Variants in C1QTNF9 observed in about 807,000 individuals in gnomAD.
C1QTNF9 encodes the protein complement C1q and tumor necrosis factor-related protein 9A.
In C1QTNF9, 6 loss-of-function variants were observed where a neutral mutation model predicts 10.1. The ratio of observed to expected loss-of-function variants is 0.59; its 90% CI spans 0.32 to 1.17. The LOEUF is 1.17. C1QTNF9 is among the 50% of genes most tolerant of loss of function. The pLI is 0.04. For synonymous variants in C1QTNF9, 98 were observed against 163.5 expected (o/e 0.60, Z 3.06); for missense variants, 201 against 418.8 (o/e 0.48, Z 4.54).
chr13:24,315,999 G>A, exon 2 of C1QTNF9: 2 of 1,613,762 alleles, frequency 1.2e-6, no homozygotes, highest in Non-Finnish European at 1.7e-6. Context: ...TCTGTCATCT[G>A]AACCATGAGG....
intron 3 of C1QTNF9, among the ~76,000 whole-genome samples, chr13:24,320,088 C>G (rs978495220): frequency 2.0e-5 from 3 of 151,990 alleles, no homozygotes; most frequent in Admixed American, 2.0e-4. Context: ...TGGGGTTGGG[C>G]AGGAGAGGGC....
At chr13:24,319,183 A>G (rs1234946278) in intron 3 of C1QTNF9, among the ~76,000 whole-genome samples, 1 of 152,194 alleles carries the variant, frequency 6.6e-6, no homozygotes, top group Non-Finnish European at 1.5e-5. Context: ...ATGTGTGAAG[A>G]CTGAAATGGG....
chr13:24,319,655 T>C (rs1593536491), intron 3 of C1QTNF9, among the ~76,000 whole-genome samples: 1 of 152,292 alleles, frequency 6.6e-6, no homozygotes, highest in East Asian at 1.9e-4. Context: ...CTGTAGTTTG[T>C]TGAACCTTGA....
intron 1 of C1QTNF9, among the ~76,000 whole-genome samples, chr13:24,314,702 G>T (rs1404505994): frequency 6.6e-6 from 1 of 151,826 alleles, no homozygotes; most frequent in Non-Finnish European, 1.5e-5. Flanking sequence ...ACCAAACCCA[G>T]GTGTGGTGGT....
chr13:24,307,788 T>A (rs565887073), upstream of C1QTNF9, among the ~76,000 whole-genome samples: 6 of 152,274 alleles, frequency 3.9e-5, no homozygotes, highest in East Asian at 1.2e-3. Context: ...AGATGACCGT[T>A]AGGTCATAAG....
chr13:24,310,817 C>T (rs1209129991), intron 1 of C1QTNF9, among the ~76,000 whole-genome samples: 2 of 147,342 alleles, frequency 1.4e-5, no homozygotes, highest in South Asian at 2.1e-4. Flanking sequence ...GAGGCTGAGG[C>T]AGGAGAATGG....
chr13:24,313,577 A>G (rs549504429), intron 1 of C1QTNF9, among the ~76,000 whole-genome samples: 5 of 152,338 alleles, frequency 3.3e-5, no homozygotes, highest in African/African-American at 1.2e-4. Flanking sequence ...AATGGAGCGA[A>G]TTTGTGACTT....
chr13:24,315,955 C>T lies in C1QTNF9; in HGVS notation c.-22-27C>T, dbSNP rs114916328. ...AGGGCCCCAGCAACAAAGATTTCTCCTTTGGGTTTCTGTTTCCCTCTTTCA... is the reference window on the plus strand; with the variant it reads ...AGGGCCCCAGCAACAAAGATTTCTCTTTTGGGTTTCTGTTTCCCTCTTTCA... On this transcript the variant is annotated intron_variant, in intron 1 of 3. Coordinates refer to ENST00000332018, the Ensembl canonical transcript of C1QTNF9. 1.7e-3 allele frequency: 2,674 copies of T among 1,611,580 alleles called. 43 individuals carry two copies. The African/African-American group carries it at 0.029, about 18-fold the overall frequency.
At chr13:24,314,720 T>C (rs978988628) in intron 1 of C1QTNF9, among the ~76,000 whole-genome samples, 1 of 152,084 alleles carries the variant, frequency 6.6e-6, no homozygotes, top group South Asian at 2.1e-4. Flanking sequence ...GGTGCATGCC[T>C]GTAGTCCCAG....
chr13:24,313,399 G>T (rs1416909396), intron 1 of C1QTNF9, among the ~76,000 whole-genome samples: 1 of 152,132 alleles, frequency 6.6e-6, no homozygotes, highest in Non-Finnish European at 1.5e-5. Context: ...TGGAATAGTT[G>T]TACTCCACAT....
exon 2 of C1QTNF9, chr13:24,316,169 G>A: frequency 6.3e-7 from 1 of 1,590,758 alleles, no homozygotes; most frequent in Non-Finnish European, 8.6e-7. Context: ...AGGCGATGCA[G>A]GTACTCACCT....
At chr13:24,321,277 C>A (rs1345235033) in exon 4 of C1QTNF9, 2 of 1,471,696 alleles carry the variant, frequency 1.4e-6, no homozygotes, top group East Asian at 4.8e-5. Flanking sequence ...ACCCACGGGG[C>A]CCCAGGGTGA....
exon 4 of C1QTNF9, chr13:24,321,783 A>T (rs1815680): frequency 4.6e-6 from 7 of 1,537,204 alleles, no homozygotes; most frequent in African/African-American, 2.8e-5. Flanking sequence ...GGAGAGTTTA[A>T]AAATCCGCCA....
upstream of C1QTNF9, among the ~76,000 whole-genome samples, chr13:24,308,045 C>T (rs1178069921): frequency 6.6e-6 from 1 of 152,212 alleles, no homozygotes; most frequent in Non-Finnish European, 1.5e-5. Context: ...CAAAGCGGGG[C>T]CGCAGGGCAG....
chr13:24,310,938 T>C (rs955184652), intron 1 of C1QTNF9, among the ~76,000 whole-genome samples: 2 of 146,988 alleles, frequency 1.4e-5, no homozygotes, highest in African/African-American at 5.1e-5. Context: ...AAAAAAGATA[T>C]GTTGAAGAAA....
chr13:24,308,418 C>A (rs1877682747), upstream of C1QTNF9, among the ~76,000 whole-genome samples: 1 of 152,324 alleles, frequency 6.6e-6, no homozygotes, highest in East Asian at 1.9e-4. Flanking sequence ...GGGCTCCTTG[C>A]GTTTAGCCAC....
chr13:24,317,230 C>A (rs2138808157), intron 2 of C1QTNF9, among the ~76,000 whole-genome samples: 1 of 151,808 alleles, frequency 6.6e-6, no homozygotes, highest in South Asian at 2.1e-4. Context: ...ATCAGGTCTT[C>A]TGCCCTCACA....
chr13:24,321,607 A>G (rs77554188), exon 4 of C1QTNF9: 190,913 of 1,604,586 alleles, frequency 0.12, 10 homozygotes, highest in Non-Finnish European at 0.13. Context: ...AGATGCTTAC[A>G]TGAGCTCTGA....
intron 1 of C1QTNF9, among the ~76,000 whole-genome samples, chr13:24,312,635 T>C (rs1877872077): frequency 6.6e-6 from 1 of 152,150 alleles, no homozygotes; most frequent in African/African-American, 2.4e-5. Context: ...ATAGGAGGTA[T>C]AAACTTGCTA....
Sources: gnomAD v4.1 joint callset for allele counts (sites outside exome capture counted in the v4.1 genomes callset) on GRCh38, gnomAD v4.1.1 for gene constraint, MANE v1.5 for transcripts, NCBI Gene and HGNC (gene_info 2026-07-23, HGNC 2026-07-21) for gene names.